Variants in DDX43 observed in about 807,000 individuals in gnomAD.
The protein encoded by DDX43 is probable ATP-dependent RNA helicase DDX43.
In DDX43, 50 loss-of-function variants were observed where a neutral mutation model predicts 84.9. The ratio of observed to expected loss-of-function variants is 0.59; its 90% CI spans 0.47 to 0.75. The LOEUF (loss-of-function observed/expected upper bound fraction) is 0.75. Ranked by LOEUF, DDX43 falls within the 30% of genes least tolerant of loss-of-function variation. The probability of loss-of-function intolerance (pLI) is 0.00; values close to 1 mark genes in which losing one functional copy is unlikely to be tolerated. For missense variants in DDX43, 689 were observed against 798.6 expected, an observed-to-expected ratio of 0.86 and a Z score of 1.65; for synonymous variants, 291 against 266.3, an observed-to-expected ratio of 1.09 and a Z score of -0.90.
chr6:73,412,097 ATAAGTAC>A (rs1769794407), intron 10 of DDX43, 101 bp from the exon 11 acceptor site: 1 of 860,362 alleles, frequency 1.2e-6, no homozygotes, highest in Admixed American at 2.6e-5. Context: ...TATTGAAAAA[ATAAGTAC>A]TAAATTTGTC....
intron 8 of DDX43, 94 bp from the exon 9 acceptor site, chr6:73,407,866 C>T: frequency 2.4e-6 from 3 of 1,228,880 alleles, no homozygotes; most frequent in Non-Finnish European, 3.5e-6. Flanking sequence ...CCTAAAGGTA[C>T]CTGATAATTG....
intron 9 of DDX43, among the ~76,000 whole-genome samples, chr6:73,408,517 T>C (rs1490068764): frequency 6.6e-6 from 1 of 152,202 alleles, no homozygotes; most frequent in Non-Finnish European, 1.5e-5. Context: ...TCCCAAGTGC[T>C]TGGGTATCAG....
At chr6:73,412,636 A>AGTGTGTGTGTGTGTG (rs1408960532) in intron 11 of DDX43, among the ~76,000 whole-genome samples, 1 of 39,636 alleles carries the variant, frequency 2.5e-5, no homozygotes, top group East Asian at 9.3e-4. Flanking sequence ...ATATATATAT[A>AGTGTGTGTGTGTGTG]TAGTGTGTGT....
intron 16 of DDX43, among the ~76,000 whole-genome samples, chr6:73,416,659 C>G (rs1769909374): frequency 6.6e-6 from 1 of 152,142 alleles, no homozygotes; most frequent in Non-Finnish European, 1.5e-5. Flanking sequence ...TAGTACAATT[C>G]ACAGTGACAA....
Position 73,400,259 on chromosome 6 carries a change from T to C in DDX43, c.332T>C (p.Leu111Ser), listed in dbSNP as rs1769539250. Residue 111 changes from leucine to serine, a missense_variant, in exon 3 of 17, where the codon TTA (leucine) becomes TCA (serine). By Grantham distance (145) the Leu-to-Ser change is moderately radical. Coordinates refer to ENST00000370336, the MANE Select transcript of DDX43 (RefSeq NM_018665.3). The stretch of plus-strand genomic sequence containing the variant: ...ATAATACAAGAACAACCAGAATCAT[T>C]AGTCAAAATTTTTGGCAGCAAGGCA... ...IQIIQEQPES[L>S]VKIFGSKAMQ... 1 of 1,605,426 alleles carries C rather than the reference T, an allele frequency of 6.2e-7. No individual in the cohort carries two copies. Among genetic ancestry groups the C allele is most frequent in the Admixed American group, 1.7e-5 (1 of 58,178 alleles).
chr6:73,415,972 G>A (rs186020197), intron 15 of DDX43, 141 bp from the exon 16 acceptor site: 35 of 604,064 alleles, frequency 5.8e-5, no homozygotes, highest in East Asian at 5.6e-4. Flanking sequence ...GTAGATGGAT[G>A]TAGGGTTTAA....
intron 4 of DDX43, among the ~76,000 whole-genome samples, chr6:73,403,046 G>C (rs1189792583): frequency 8.5e-5 from 13 of 152,214 alleles, no homozygotes; most frequent in Admixed American, 5.2e-4. Context: ...GACAGTTATT[G>C]CTACTATGTT....
chr6:73,395,971 A>AT (rs879393171), intron 1 of DDX43, among the ~76,000 whole-genome samples: 1,443 of 140,674 alleles, frequency 0.01, 9 homozygotes, highest in Non-Finnish European at 0.013. Flanking sequence ...CTTTCTTTTG[A>AT]TTTTTTTTTT....
intron 14 of DDX43, among the ~76,000 whole-genome samples, chr6:73,415,102 C>T (rs1000846567): frequency 6.6e-6 from 1 of 152,056 alleles, no homozygotes; most frequent in African/African-American, 2.4e-5. Context: ...TTGAGACCAT[C>T]GTGGCTAACA....
At chr6:73,414,927 A>C (rs1769872900) in intron 14 of DDX43, among the ~76,000 whole-genome samples, 1 of 152,046 alleles carries the variant, frequency 6.6e-6, no homozygotes, top group Admixed American at 6.6e-5. Context: ...GTCACCGCTG[A>C]GCTCTGTACC....
At chr6:73,402,015 C>T (rs368463845) in intron 4 of DDX43, 25 bp downstream of exon 4, 5 of 1,610,870 alleles carry the variant, frequency 3.1e-6, no homozygotes, top group Non-Finnish European at 4.2e-6. Flanking sequence ...CTAATATTTA[C>T]ATATATTGTT....
At chr6:73,406,904 G>T (rs1170801455) in intron 7 of DDX43, 1 of 153,648 alleles carries the variant, frequency 6.5e-6, no homozygotes, top group African/African-American at 2.4e-5. Flanking sequence ...AAAGTACATA[G>T]AAACTAACAC....
chr6:73,395,082 G>T lies in DDX43; in HGVS notation c.177G>T (p.Glu59Asp). Residue 59 changes from glutamate (E) to aspartate (D), a missense_variant, in exon 1 of 17, where the codon GAG becomes GAT. Transcript: ENST00000370336. ...GRWRGTSRPPEAVAAGHEELP... is the reference protein window; with the variant it reads ...GRWRGTSRPPDAVAAGHEELP... ...GGAGAGGCACCTCTAGGCCCCCGGA[G>T]GCCGTGGCCGCTGGTCACGAGGAAC... 6.2e-7 allele frequency: 1 copy of T among 1,614,172 alleles called. No homozygotes were observed. Among genetic ancestry groups the T allele is most frequent in the South Asian group, 1.1e-5 (1 of 91,090 alleles).
At chr6:73,412,702 C>T (rs1428974011) in intron 11 of DDX43, among the ~76,000 whole-genome samples, 5 of 108,434 alleles carry the variant, frequency 4.6e-5, no homozygotes, top group Middle Eastern at 7.7e-3. Flanking sequence ...CGCGTGCGTG[C>T]GCACGCATGT....
Position 73,404,740 on chromosome 6 carries a change from G to T in DDX43, c.619G>T (p.Ala207Ser). ...NFYKESTATS[A>S]MSKVEADSWR... ...TTATAAAGAGTCCACTGCCACAAGT[G>T]CCATGTCAAAAGTAGAAGCAGATAG... Residue 207 changes from alanine (A) to serine (S), a missense_variant, in exon 5 of 17, where the codon GCC becomes TCC. Around this residue, in one of 2 missense-constraint regions of DDX43, gnomAD observed 552 missense variants for 692.7 expected, o/e 0.80. Transcript: ENST00000370336. The T allele has an allele frequency of 6.2e-7, 1 of 1,613,318 alleles. No homozygotes were observed. Among genetic ancestry groups the T allele is most frequent in the Non-Finnish European group, 8.5e-7 (1 of 1,179,740 alleles).
chr6:73,406,253 C>G, intron 6 of DDX43, 111 bp from the exon 7 acceptor site: 1 of 665,910 alleles, frequency 1.5e-6, no homozygotes, highest in Admixed American at 2.6e-5. Context: ...AACTCCCGAC[C>G]TCAGGAGATC....
intron 2 of DDX43, among the ~76,000 whole-genome samples, chr6:73,398,700 T>G (rs1200747988): frequency 6.6e-6 from 1 of 152,220 alleles, no homozygotes; most frequent in African/African-American, 2.4e-5. Context: ...GAGAACCCCT[T>G]TCCTCAAACT....
At chr6:73,411,402 C>T (rs1467542756) in intron 10 of DDX43, among the ~76,000 whole-genome samples, 1 of 150,282 alleles carries the variant, frequency 6.7e-6, no homozygotes, top group Non-Finnish European at 1.5e-5. Flanking sequence ...GATCTCCACT[C>T]ACTGCAACCT....
Position 73,397,692 on chromosome 6 carries a change from G to C in DDX43, c.254G>C (p.Arg85Pro). ...ATTCCTTTATTTTTAAAAACAGGTC[G>C]TGGTGGGTCAAAAATAAAGAATATA... is the stretch of plus-strand genomic sequence containing the variant. Reference protein sequence around the residue: ...KSHFVGAVIGRGGSKIKNIQS... With the variant: ...KSHFVGAVIGPGGSKIKNIQS... Residue 85 changes from arginine (R) to proline (P), a missense_variant, in exon 2 of 17, where the codon CGT becomes CCT. By Grantham distance (103) the Arg-to-Pro change is moderately radical (BLOSUM62 -2). Transcript: ENST00000370336. 1 of 1,610,766 alleles carries C rather than the reference G, an allele frequency of 6.2e-7. No homozygotes were observed. The highest frequency in any genetic ancestry group is 8.5e-7 in the Non-Finnish European group (1 of 1,177,220).
Sources: gnomAD v4.1 joint callset for allele counts (sites outside exome capture counted in the v4.1 genomes callset) on GRCh38, gnomAD v4.1.1 for gene constraint, gnomAD v4.1.1 regional missense constraint, MANE v1.5 for transcripts, NCBI Gene and HGNC (gene_info 2026-07-23, HGNC 2026-07-21) for gene names.